Variants in NMNAT1 observed in about 807,000 individuals in gnomAD.
NMNAT1 encodes nicotinamide/nicotinic acid mononucleotide adenylyltransferase 1.
NMNAT1 carries 11 observed loss-of-function variants against 16.7 expected under a neutral mutation model. That is an observed-to-expected ratio of 0.66 (90% CI 0.41 to 1.09). NMNAT1 has a LOEUF of 1.09. NMNAT1 is among the 50% of genes least tolerant of loss of function. The probability of loss-of-function intolerance (pLI) is 0.00; values close to 1 mark genes in which losing one functional copy is unlikely to be tolerated. For missense variants in NMNAT1, 280 were observed against 332.3 expected, an observed-to-expected ratio of 0.84 and a Z score of 1.22; for synonymous variants, 110 against 119.8, an observed-to-expected ratio of 0.92 and a Z score of 0.53.
At chr1:9,962,493 A>T (rs192698154) in intron 1 of NMNAT1, among the ~76,000 whole-genome samples, 11 of 151,328 alleles carry the variant, frequency 7.3e-5, no homozygotes, top group Non-Finnish European at 1.5e-4. Flanking sequence ...AAAAAAAAAA[A>T]AAATAACAGC....
chr1:9,972,676 A>G (rs918968094), intron 2 of NMNAT1, among the ~76,000 whole-genome samples: 3 of 152,046 alleles, frequency 2.0e-5, no homozygotes, highest in Non-Finnish European at 2.9e-5. Flanking sequence ...TAGAAAATAC[A>G]GCCAGGTACA....
chr1:9,964,470 C>G (rs752424726), intron 1 of NMNAT1, among the ~76,000 whole-genome samples: 3 of 150,970 alleles, frequency 2.0e-5, no homozygotes, highest in Admixed American at 6.6e-5. Flanking sequence ...CCCAGGAGAT[C>G]GTGGCTGCAG....
At chr1:9,945,036 C>G (rs1158603156) in intron 1 of NMNAT1, among the ~76,000 whole-genome samples, 1 of 152,154 alleles carries the variant, frequency 6.6e-6, no homozygotes, top group African/African-American at 2.4e-5. Context: ...GAATTCAAAA[C>G]CAGCCCGGCC....
chr1:9,988,412 G>C (rs942051476), downstream of NMNAT1, among the ~76,000 whole-genome samples: 1 of 152,078 alleles, frequency 6.6e-6, no homozygotes, highest in Non-Finnish European at 1.5e-5. Flanking sequence ...AGAAGAAAGG[G>C]TACCTTGGCT....
chr1:9,993,907 G>C, the NMNAT1 span, among the ~76,000 whole-genome samples: 1 of 152,092 alleles, frequency 6.6e-6, no homozygotes, highest in South Asian at 2.1e-4. Flanking sequence ...TAGGAGGCGA[G>C]AGGTGGCACT....
chr1:9,980,073 A>G (rs1321799125), intron 3 of NMNAT1, among the ~76,000 whole-genome samples: 1 of 151,270 alleles, frequency 6.6e-6, no homozygotes, highest in Non-Finnish European at 1.5e-5. Context: ...CTGGGATTAT[A>G]GGCATGTGCC....
chr1:9,991,963 G>A, the NMNAT1 span, among the ~76,000 whole-genome samples: 4 of 152,128 alleles, frequency 2.6e-5, no homozygotes, highest in Non-Finnish European at 4.4e-5. Context: ...TACTCTAGAG[G>A]CTGAGGCAGG....
chr1:9,988,425 G>A (rs1297385560), downstream of NMNAT1, among the ~76,000 whole-genome samples: 1 of 151,670 alleles, frequency 6.6e-6, no homozygotes, highest in Non-Finnish European at 1.5e-5. Flanking sequence ...CCTTGGCTGG[G>A]TGTGATGAAT....
chr1:9,943,012 G>T (rs1364620372), upstream of NMNAT1: 2 of 330,958 alleles, frequency 6.0e-6, no homozygotes, highest in Non-Finnish European at 6.0e-6. Context: ...GTCAAACCCA[G>T]AGGCTTGGAA....
intron 1 of NMNAT1, among the ~76,000 whole-genome samples, chr1:9,957,646 T>G (rs1641298531): frequency 6.6e-6 from 1 of 152,176 alleles, no homozygotes; most frequent in Non-Finnish European, 1.5e-5. Context: ...AAAAACTATT[T>G]CATGGGAATT....
downstream of NMNAT1, among the ~76,000 whole-genome samples, chr1:9,988,286 CACCCA>C (rs1018038818): frequency 1.3e-5 from 2 of 151,924 alleles, no homozygotes; most frequent in Admixed American, 6.6e-5. Flanking sequence ...TGAGCTATCA[CACCCA>C]ACCAAAGTAG....
the NMNAT1 span, among the ~76,000 whole-genome samples, chr1:9,996,061 C>T: frequency 6.6e-6 from 1 of 151,980 alleles, no homozygotes; most frequent in Non-Finnish European, 1.5e-5. Context: ...CCTGTAATCC[C>T]AGCACTTTGG....
downstream of NMNAT1, among the ~76,000 whole-genome samples, chr1:9,988,426 T>C (rs1642072201): frequency 6.6e-6 from 1 of 152,082 alleles, no homozygotes; most frequent in Admixed American, 6.6e-5. Flanking sequence ...CTTGGCTGGG[T>C]GTGATGAATC....
the NMNAT1 span, among the ~76,000 whole-genome samples, chr1:9,994,076 AC>A: frequency 6.6e-6 from 1 of 150,896 alleles, no homozygotes; most frequent in South Asian, 2.1e-4. Context: ...AAATAATAAT[AC>A]ACATAGCACT....
At chr1:9,992,664 C>A in the NMNAT1 span, among the ~76,000 whole-genome samples, 1 of 152,036 alleles carries the variant, frequency 6.6e-6, no homozygotes, top group African/African-American at 2.4e-5. Context: ...GTAATCCCAG[C>A]ACTTTGGGAG....
intron 3 of NMNAT1, among the ~76,000 whole-genome samples, chr1:9,976,286 CAAAA>C (rs554511251): frequency 1.7e-5 from 1 of 58,546 alleles, no homozygotes. Context: ...GACTCCATCT[CAAAA>C]AAAAAAAAAA....
intron 3 of NMNAT1, among the ~76,000 whole-genome samples, chr1:9,977,995 G>A (rs555912764): frequency 3.3e-5 from 5 of 152,230 alleles, no homozygotes; most frequent in African/African-American, 7.2e-5. Flanking sequence ...AGTTGGTGAC[G>A]GACAGTGGAC....
chr1:9,947,426 A>G (rs1459954975), intron 1 of NMNAT1: 1 of 152,676 alleles, frequency 6.5e-6, no homozygotes, highest in Admixed American at 6.6e-5. Context: ...TCACTGCTCC[A>G]TGTATATCCC....
chr1:9,959,412 G>T (rs1308491761), intron 1 of NMNAT1, among the ~76,000 whole-genome samples: 2 of 146,714 alleles, frequency 1.4e-5, no homozygotes, highest in African/African-American at 5.0e-5. Context: ...GCCGGGTGCG[G>T]TGACTCACGC....
Sources: gnomAD v4.1 joint callset for allele counts (sites outside exome capture counted in the v4.1 genomes callset) on GRCh38, gnomAD v4.1.1 for gene constraint, MANE v1.5 for transcripts, NCBI Gene and HGNC (gene_info 2026-07-23, HGNC 2026-07-21) for gene names.